HOXA1: variants seen among roughly 807,000 people sequenced by gnomAD.
HOXA1 encodes homeobox protein Hox-A1.
A neutral mutation model predicts 28.3 loss-of-function variants in HOXA1; 21 were observed. That is an observed-to-expected ratio of 0.74 (90% CI 0.53 to 1.07). The LOEUF is 1.07. HOXA1 is among the 50% of genes least tolerant of loss of function. HOXA1 has a pLI of 0.00. For missense variants in HOXA1, 446 were observed against 434.3 expected (o/e 1.03, Z -0.24); for synonymous variants, 208 against 181.2 (o/e 1.15, Z -1.19).
At position 27,095,535 on chromosome 7, in the gene HOXA1, G is replaced by A. The variant is rs1783799749; in HGVS notation, c.378C>T (p.Cys126=). The A allele has an allele frequency of 6.2e-7, 1 of 1,614,130 alleles. No individual in the cohort carries two copies. Among genetic ancestry groups the A allele is most frequent in the Non-Finnish European group, 8.5e-7 (1 of 1,180,030 alleles). ...EADVSGGYPQ[C]APAVYSGNLS... is the part of the protein sequence containing the mutation. Reference sequence around the variant, plus strand: ...GATTTCCAGAGTAAACAGCGGGAGCGCACTGGGGGTACCCACCACTTACGT... The same window carrying A: ...GATTTCCAGAGTAAACAGCGGGAGCACACTGGGGGTACCCACCACTTACGT... Residue 126 remains cysteine, a synonymous_variant, in exon 1 of 2, where the codon TGC becomes TGT. Coordinates refer to ENST00000643460, the MANE Select transcript of HOXA1 (RefSeq NM_005522.5).
At position 27,094,450 on chromosome 7, in the gene HOXA1, G is replaced by T. The variant is rs552721553; in HGVS notation, c.998C>A (p.Thr333Asn). The change falls in exon 2 of 2, where the codon ACC becomes AAC. Residue 333 changes from threonine (T) to asparagine (N), a missense_variant. Coordinates refer to ENST00000643460, the MANE Select transcript of HOXA1 (RefSeq NM_005522.5). ...PGSSTSDTLT[T>N]SH is the part of the protein sequence containing the mutation. Reference sequence around the variant, plus strand: ...GGGGCTGGAGCCGCCTCAGTGGGAGGTAGTCAGAGTGTCTGAGGTAGAAGA... The same window carrying T: ...GGGGCTGGAGCCGCCTCAGTGGGAGTTAGTCAGAGTGTCTGAGGTAGAAGA... The T allele has an allele frequency of 3.1e-6, 5 of 1,612,192 alleles. No individual in the cohort carries two copies. In the South Asian group the frequency reaches 3.3e-5, roughly 11 times the overall value.
rs1783796270 is a variant in HOXA1 at position 27,095,446 on chromosome 7, G to A, written c.467C>T (p.Ser156Leu). 2 of 1,614,020 alleles carry A rather than the reference G, an allele frequency of 1.2e-6. No individual in the cohort carries two copies. Among genetic ancestry groups the A allele is most frequent in the South Asian group, 1.1e-5 (1 of 91,078 alleles). The change falls in exon 1 of 2, where the codon TCG becomes TTG. Residue 156 changes from serine (S) to leucine (L), a missense_variant. Physicochemically the swap from Ser to Leu is moderately radical, Grantham distance 145. Coordinates refer to ENST00000643460, the MANE Select transcript of HOXA1 (RefSeq NM_005522.5). ...HQGYAGGAVG[S>L]PQYIHHSYGQ... Reference sequence around the variant, plus strand: ...ATATGAGTGGTGAATGTATTGAGGCGAGCCCACCGCGCCCCCAGCATAACC... The same window carrying A: ...ATATGAGTGGTGAATGTATTGAGGCAAGCCCACCGCGCCCCCAGCATAACC...
chr7:27,095,361 G>T lies in HOXA1; in HGVS notation c.552C>A (p.His184Gln), dbSNP rs768265195. The T allele has an allele frequency of 2.9e-5, 46 of 1,613,906 alleles. No individual in the cohort carries two copies. Among genetic ancestry groups the T allele is most frequent in the Admixed American group, 1.2e-4 (7 of 59,998 alleles). The change falls in exon 1 of 2, where the codon CAC becomes CAA. Residue 184 changes from histidine to glutamine, a missense_variant. By Grantham distance (24) the His-to-Gln change is conservative. Coordinates refer to ENST00000643460, the MANE Select transcript of HOXA1 (RefSeq NM_005522.5). ...ATYNNSLSPL[H>Q]ASHQEACRSP... ...AGCGACAGGCTTCTTGGTGGCTGGC[G>T]TGGAGAGGGGACAAGGAGTTATTAT...
In HOXA1 at chr7:27,094,168, G is replaced by T. The variant is rs1277936519; in HGVS notation, c.*272C>A. On this transcript the variant is annotated 3_prime_UTR_variant, in exon 2 of 2. Coordinates refer to ENST00000643460, the MANE Select transcript of HOXA1 (RefSeq NM_005522.5). ...AAAGGTCATCTGAAAGGAACAGTAG[G>T]TTCTGTGAATTCTCCTAAAAGCAGG... The T allele has an allele frequency of 1.1e-5, 5 of 467,030 alleles. No individual in the cohort carries two copies. The East Asian group carries it at 1.2e-4, about 11-fold the overall frequency. 28.9% of individuals were successfully genotyped at this position (467,030 alleles called of 1,614,324 possible).
Position 27,093,966 on chromosome 7 carries a change from A to G in HOXA1, c.*474T>C. ...ACACACATGAAAATGACTTAAATTA[A>G]GGGATGAATTAATTGTGTAAACATA... is the stretch of plus-strand genomic sequence containing the variant. On this transcript the variant is annotated 3_prime_UTR_variant, in exon 2 of 2. Transcript: ENST00000643460. 6.2e-6 allele frequency: 1 copy of G among 160,876 alleles called. No individual in the cohort carries two copies. Among genetic ancestry groups the G allele is most frequent in the South Asian group, 1.7e-4 (1 of 5,786 alleles). 10.0% of individuals were successfully genotyped at this position (160,876 alleles called of 1,614,324 possible).
Position 27,094,166 on chromosome 7 carries a change from A to C in HOXA1, c.*274T>G. On this transcript the variant is annotated 3_prime_UTR_variant, in exon 2 of 2. Transcript: ENST00000643460. Reference sequence around the variant, plus strand: ...CAAAAGGTCATCTGAAAGGAACAGTAGGTTCTGTGAATTCTCCTAAAAGCA... The same window carrying C: ...CAAAAGGTCATCTGAAAGGAACAGTCGGTTCTGTGAATTCTCCTAAAAGCA... The C allele has an allele frequency of 2.2e-6, 1 of 458,668 alleles. No individual in the cohort carries two copies. Among genetic ancestry groups the C allele is most frequent in the Non-Finnish European group, 4.0e-6 (1 of 249,408 alleles). The allele number at this position is 458,668 out of a possible 1,614,324, so 28.4% of individuals were successfully genotyped here.
In HOXA1 at chr7:27,095,690, G is replaced by T. The variant is rs1482140548; in HGVS notation, c.223C>A (p.Pro75Thr). 2 of 1,548,900 alleles carry T rather than the reference G, an allele frequency of 1.3e-6. No homozygotes were observed. The highest frequency in any genetic ancestry group is 1.8e-6 in the Non-Finnish European group (2 of 1,125,148). Residue 75 changes from proline (P) to threonine (T), a missense_variant, in exon 1 of 2, where the codon CCC becomes ACC. Physicochemically the swap from Pro to Thr is conservative, Grantham distance 38 (BLOSUM62 -1). Transcript: ENST00000643460. ...GAAGTCTGGTAGGTAGCCGGCTGGGGGTGGCGATGGTGGTGGTGGTGGTGG... is the reference window on the plus strand; with the variant it reads ...GAAGTCTGGTAGGTAGCCGGCTGGGTGTGGCGATGGTGGTGGTGGTGGTGG... ...HHHHHHHHRH[P>T]QPATYQTSGN...
Position 27,095,256 on chromosome 7 carries a change from C to G in HOXA1, c.652+5G>C. 5 of 1,614,016 alleles carry G rather than the reference C, an allele frequency of 3.1e-6. No homozygotes were observed. The highest frequency in any genetic ancestry group is 4.2e-6 in the Non-Finnish European group (5 of 1,179,926). On this transcript the variant is annotated splice_donor_5th_base_variant and intron_variant, in intron 1 of 1. Coordinates refer to ENST00000643460, the MANE Select transcript of HOXA1 (RefSeq NM_005522.5). Reference sequence around the variant, plus strand: ...AAGGAGCATCCACCAACCAGCAGGACTGACCTGTTTTGGGAGGGTTTCTTT... The same window carrying G: ...AAGGAGCATCCACCAACCAGCAGGAGTGACCTGTTTTGGGAGGGTTTCTTT...
Position 27,093,035 on chromosome 7 carries a change from T to C in HOXA1, c.*1405A>G, listed in dbSNP as rs538658902. 6.5e-6 allele frequency: 1 copy of C among 152,758 alleles called. No individual in the cohort carries two copies. Among genetic ancestry groups the C allele is most frequent in the Non-Finnish European group, 1.5e-5 (1 of 68,032 alleles). 9.5% of individuals were successfully genotyped at this position (152,758 alleles called of 1,614,324 possible). A position where few individuals can be genotyped will look rare whatever the true frequency, so the allele number is the denominator to read the frequency against. On this transcript the variant is annotated 3_prime_UTR_variant, in exon 2 of 2. Transcript: ENST00000643460. ...AGTTCTGTTTATATATACGTCAACA[T>C]CCAGTTGGAGGTGAAAAGGTTAGCA...
Position 27,094,745 on chromosome 7 carries a change from T to C in HOXA1, c.703A>G (p.Asn235Asp). The C allele has an allele frequency of 6.2e-7, 1 of 1,614,132 alleles. No individual in the cohort carries two copies. The highest frequency in any genetic ancestry group is 8.5e-7 in the Non-Finnish European group (1 of 1,180,020). The change falls in exon 2 of 2, where the codon AAC becomes GAC. Residue 235 changes from asparagine (N) to aspartate (D), a missense_variant. By Grantham distance (23) the Asn-to-Asp change is conservative. Coordinates refer to ENST00000643460, the MANE Select transcript of HOXA1 (RefSeq NM_005522.5). ...YLGQPNAVRT[N>D]FTTKQLTELE... ...TCCGTGAGCTGCTTGGTAGTGAAGT[T>C]GGTGCGCACCGCGTTGGGTTGACCC... is the stretch of plus-strand genomic sequence containing the variant.
rs767491682 is a variant in HOXA1, at chr7:27,094,337, A to G, written c.*103T>C. The G allele has an allele frequency of 3.5e-6, 3 of 845,370 alleles. No homozygotes were observed. The highest frequency in any genetic ancestry group is 1.7e-5 in the African/African-American group (1 of 59,936). 52.4% of individuals were successfully genotyped at this position (845,370 alleles called of 1,614,324 possible). A position where few individuals can be genotyped will look rare whatever the true frequency, so the allele number is the denominator to read the frequency against. ...TCCCCAGATAGGATTAGAAAGGAAG[A>G]AAGAGACTGTAAATGGAAAGAAAGA... On this transcript the variant is annotated 3_prime_UTR_variant, in exon 2 of 2. Coordinates refer to ENST00000643460, the MANE Select transcript of HOXA1 (RefSeq NM_005522.5).
At position 27,095,491 on chromosome 7, in the gene HOXA1, T is replaced by C. The variant is rs535174186; in HGVS notation, c.422A>G (p.Gln141Arg). 17 of 1,614,082 alleles carry C rather than the reference T, an allele frequency of 1.1e-5. No individual in the cohort carries two copies. The African/African-American group carries it at 1.7e-4, about 16-fold the overall frequency. Residue 141 changes from glutamine (Q) to arginine (R), a missense_variant, in exon 1 of 2, where the codon CAG (glutamine) becomes CGG (arginine). Physicochemically the swap from Gln to Arg is conservative, Grantham distance 43. Coordinates refer to ENST00000643460, the MANE Select transcript of HOXA1 (RefSeq NM_005522.5). ...ATAACCCTGGTGGTGGTGGTGATGC[T>C]GGACCATGGGAGATGAGAGATTTCC... Reference protein sequence around the residue: ...YSGNLSSPMVQHHHHHQGYAG... With the variant: ...YSGNLSSPMVRHHHHHQGYAG...
At chr7:27,095,177 G>T in intron 1 of HOXA1, 84 bp downstream of exon 1, 1 of 1,442,848 alleles carries the variant, frequency 6.9e-7, no homozygotes, top group Non-Finnish European at 9.6e-7. Flanking sequence ...TTAAAAAAAA[G>T]ATCATTATTA....
In HOXA1 at chr7:27,093,376, T is replaced by A. The variant is rs935805241; in HGVS notation, c.*1064A>T. On this transcript the variant is annotated 3_prime_UTR_variant, in exon 2 of 2. Transcript: ENST00000643460. The stretch of plus-strand genomic sequence containing the variant: ...TAAACTCTGCTCTGGATCATATCAC[T>A]CCAGGATCTCAGAGCTGTTCATGAT... 6.6e-6 allele frequency: 1 copy of A among 152,610 alleles called. No individual in the cohort carries two copies. The highest frequency in any genetic ancestry group is 2.4e-5 in the African/African-American group (1 of 41,420). The allele number at this position is 152,610 out of a possible 1,614,324, so 9.5% of individuals were successfully genotyped here.
Position 27,095,857 on chromosome 7 carries a change from T to A in HOXA1, c.56A>T (p.Asp19Val), listed in dbSNP as rs367605225. The change falls in exon 1 of 2, where the codon GAC becomes GTC. Residue 19 changes from aspartate to valine, a missense_variant. Physicochemically the swap from Asp to Val is radical, Grantham distance 152. Transcript: ENST00000643460. ...GGCTCGGGCTGAGCAGGTCCCCGAG[T>A]CGCCACTGCTAAGTATGGGGTATTC... ...FLEYPILSSG[D>V]SGTCSARAYP... 6.8e-6 allele frequency: 11 copies of A among 1,613,844 alleles called. No individual in the cohort carries two copies. The African/African-American group carries it at 1.5e-4, about 22-fold the overall frequency.
At position 27,095,709 on chromosome 7, in the gene HOXA1, G is replaced by T; in HGVS notation, c.204C>A (p.His68Gln). The T allele has an allele frequency of 2.5e-6, 4 of 1,613,092 alleles. No homozygotes were observed. Among genetic ancestry groups the T allele is most frequent in the Non-Finnish European group, 1.7e-6 (2 of 1,179,552 alleles). ...GVQIGSPHHH[H>Q]HHHHRHPQPA... Reference sequence around the variant, plus strand: ...GCTGGGGGTGGCGATGGTGGTGGTGGTGGTGGTGGTGGGGCGAACCGATCT... The same window carrying T: ...GCTGGGGGTGGCGATGGTGGTGGTGTTGGTGGTGGTGGGGCGAACCGATCT... Residue 68 changes from histidine (H) to glutamine (Q), a missense_variant, in exon 1 of 2, where the codon CAC becomes CAA. Coordinates refer to ENST00000643460, the MANE Select transcript of HOXA1 (RefSeq NM_005522.5).
rs886062258 is a variant in HOXA1, at chr7:27,095,367, A to G, written c.546T>C (p.Pro182=). 6.2e-7 allele frequency: 1 copy of G among 1,613,590 alleles called. No individual in the cohort carries two copies. The highest frequency in any genetic ancestry group is 1.7e-5 in the Admixed American group (1 of 59,962). ...AGGCTTCTTGGTGGCTGGCGTGGAGAGGGGACAAGGAGTTATTATACGTAG... is the reference window on the plus strand; with the variant it reads ...AGGCTTCTTGGTGGCTGGCGTGGAGGGGGGACAAGGAGTTATTATACGTAG... ...ALATYNNSLS[P]LHASHQEACR... is the part of the protein sequence containing the mutation. Residue 182 remains proline (P), a synonymous_variant, in exon 1 of 2, where the codon CCT becomes CCC. Transcript: ENST00000643460.
At chr7:27,094,936 T>C in intron 1 of HOXA1, 141 bp from the exon 2 acceptor site, 2 of 710,140 alleles carry the variant, frequency 2.8e-6, no homozygotes, top group South Asian at 3.3e-5. Context: ...GGGTGAGTGA[T>C]GAGGTGTAAA....
chr7:27,095,138 C>G, intron 1 of HOXA1, 123 bp downstream of exon 1: 1 of 1,123,222 alleles, frequency 8.9e-7, no homozygotes, highest in Non-Finnish European at 1.3e-6. Flanking sequence ...TCTCCATGCA[C>G]TACAACACTA....
Sources: gnomAD v4.1 joint callset for allele counts on GRCh38, gnomAD v4.1.1 for gene constraint, MANE v1.5 for transcripts, NCBI Gene and HGNC (gene_info 2026-07-23, HGNC 2026-07-21) for gene names.